Variants in GART observed in about 807,000 individuals in gnomAD.
GART encodes the protein phosphoribosylglycinamide formyltransferase, phosphoribosylglycinamide synthetase, phosphoribosylaminoimidazole synthetase.
A neutral mutation model predicts 107.2 loss-of-function variants in GART; 43 were observed. The observed-to-expected ratio is 0.40, with a 90% CI of 0.31 to 0.52. GART has a LOEUF of 0.52. GART is among the 20% of genes least tolerant of loss of function. GART has a pLI of 0.52. For synonymous variants in GART, 434 were observed against 427.0 expected (o/e 1.02, Z -0.20); for missense variants, 1,107 against 1,206.5 (o/e 0.92, Z 1.22).
chr21:33,520,394 C>T lies in GART; in HGVS notation c.1672G>A (p.Ala558Thr), dbSNP rs745830138. 12 of 1,614,178 alleles carry T rather than the reference C, an allele frequency of 7.4e-6. No individual in the cohort carries two copies. The highest frequency in any genetic ancestry group is 1.0e-5 in the Non-Finnish European group (12 of 1,180,024). ...AGAGCACATCCAGCTTTTCCACAAGCTTTAGCAATTCCAGCAACAACAGCT... is the reference window on the plus strand; with the variant it reads ...AGAGCACATCCAGCTTTTCCACAAGTTTTAGCAATTCCAGCAACAACAGCT... ...TEAVVAGIAK[A>T]CGKAGCALLG... is the part of the protein sequence containing the mutation. Residue 558 changes from alanine (A) to threonine (T), a missense_variant, in exon 14 of 22, where the codon GCT (alanine) becomes ACT (threonine). Transcript: ENST00000381815.
Position 33,530,777 on chromosome 21 carries a change from G to T in GART, c.705C>A (p.Ala235=), listed in dbSNP as rs1227712878. The change falls in exon 7 of 22, where the codon GCC becomes GCA. Residue 235 remains alanine, a synonymous_variant. Coordinates refer to ENST00000381815, the MANE Select transcript of GART (RefSeq NM_000819.5). ...GAAGTACCTGAGGGGCTGGACAATA[G>T]GCTCCCATTCCCCCTGTGTTAGGGC... The part of the protein sequence containing the change: ...DGGPNTGGMG[A]YCPAPQVSND... 6.6e-7 allele frequency: 1 copy of T among 1,506,026 alleles called. No individual in the cohort carries two copies. Among genetic ancestry groups the T allele is most frequent in the African/African-American group, 1.5e-5 (1 of 68,848 alleles). The allele number at this position is 1,506,026 out of a possible 1,614,324, so 93.3% of individuals were successfully genotyped here. A position where few individuals can be genotyped will look rare whatever the true frequency, so the allele number is the denominator to read the frequency against.
Position 33,524,985 on chromosome 21 carries a change from T to C in GART, c.1082A>G (p.Gln361Arg), listed in dbSNP as rs376079125. The stretch of plus-strand genomic sequence containing the variant: ...ATGGAACACCTCCAGTCCTAGAGCT[T>C]GAGCCTCAGGAAACCCTAGAAGAGA... ...GVEITGFPEA[Q>R]ALGLEVFHAG... The change falls in exon 11 of 22, where the codon CAA becomes CGA. Residue 361 changes from glutamine to arginine, a missense_variant. By Grantham distance (43) the Gln-to-Arg change is conservative (BLOSUM62 1). Transcript: ENST00000381815. The C allele has an allele frequency of 5.0e-6, 8 of 1,613,996 alleles. No homozygotes were observed. Among genetic ancestry groups the C allele is most frequent in the Non-Finnish European group, 6.8e-6 (8 of 1,180,004 alleles).
In GART at chr21:33,531,569, A is replaced by ATTT. The variant is rs540416206; in HGVS notation, c.529-15_529-13dup. On this transcript the variant is annotated splice_polypyrimidine_tract_variant and intron_variant, in intron 5 of 21. Coordinates refer to ENST00000381815, the MANE Select transcript of GART (RefSeq NM_000819.5). Reference sequence around the variant, plus strand: ...CCAAAGGCTTTCTCCTGATTGTAAGATTTTTTTTTTTTTTTTTTTTAAAAA... The same window carrying ATTT: ...CCAAAGGCTTTCTCCTGATTGTAAGATTTTTTTTTTTTTTTTTTTTTTTAAAAA... The ATTT allele has an allele frequency of 2.1e-4, 294 of 1,411,376 alleles. No homozygotes were observed. Among genetic ancestry groups the ATTT allele is most frequent in the Middle Eastern group, 5.9e-4 (3 of 5,114 alleles). 87.4% of individuals were successfully genotyped at this position (1,411,376 alleles called of 1,614,324 possible).
chr21:33,540,938 G>A (rs574669147), intron 1 of GART, among the ~76,000 whole-genome samples: 1 of 152,088 alleles, frequency 6.6e-6, no homozygotes, highest in South Asian at 2.1e-4. Flanking sequence ...CTTGCTGGAG[G>A]TCACACAGGT....
In GART at chr21:33,535,285, A is replaced by G. The variant is rs759531641; in HGVS notation, c.181T>C (p.Phe61Leu). The G allele has an allele frequency of 1.0e-5, 14 of 1,340,696 alleles. No individual in the cohort carries two copies. The highest frequency in any genetic ancestry group is 1.4e-5 in the Non-Finnish European group (14 of 1,003,982). 83.0% of individuals were successfully genotyped at this position (1,340,696 alleles called of 1,614,324 possible). A position where few individuals can be genotyped will look rare whatever the true frequency, so the allele number is the denominator to read the frequency against. Reference protein sequence around the residue: ...SISDHTALAQFCKEKKIEFVV... With the variant: ...SISDHTALAQLCKEKKIEFVV... ...AATTCAATTTTCTTCTCTTTGCAGA[A>G]TTGAGCAAGGGCAGTGTGGTCACTG... Residue 61 changes from phenylalanine (F) to leucine (L), a missense_variant, in exon 3 of 22, where the codon TTC becomes CTC. Coordinates refer to ENST00000381815, the MANE Select transcript of GART (RefSeq NM_000819.5).
chr21:33,528,321 A>T lies in GART; in HGVS notation c.912T>A (p.Leu304=), dbSNP rs1276274910. ...TCACTTCATAAAGATCACTTTTAAG[A>T]AGTGGGAGGATTACCTGGAAAAACA... is the stretch of plus-strand genomic sequence containing the variant. The part of the protein sequence containing the change: ...GDPECQVILP[L]LKSDLYEVIQ... The change falls in exon 10 of 22, where the codon CTT becomes CTA. Residue 304 remains leucine, a synonymous_variant. Coordinates refer to ENST00000381815, the MANE Select transcript of GART (RefSeq NM_000819.5). The T allele has an allele frequency of 1.9e-6, 3 of 1,613,888 alleles. No homozygotes were observed. Among genetic ancestry groups the T allele is most frequent in the South Asian group, 2.2e-5 (2 of 91,016 alleles).
chr21:33,515,624 A>G (rs1272638965), intron 16 of GART, among the ~76,000 whole-genome samples: 1 of 132,850 alleles, frequency 7.5e-6, no homozygotes, highest in African/African-American at 3.0e-5. Flanking sequence ...TGGCGACTCC[A>G]GCCTGGCGAC....
intron 17 of GART, 199 bp from the exon 18 acceptor site, chr21:33,510,119 ATTAC>A: frequency 1.8e-6 from 1 of 545,130 alleles, no homozygotes; most frequent in Non-Finnish European, 3.2e-6. Flanking sequence ...AACATATGTA[ATTAC>A]TTCAACTAAA....
intron 14 of GART, among the ~76,000 whole-genome samples, chr21:33,518,251 G>A (rs1455043641): frequency 1.3e-5 from 2 of 152,202 alleles, no homozygotes; most frequent in South Asian, 2.1e-4. Context: ...GGGAGGCCGA[G>A]GCAGGTGGAT....
chr21:33,523,428 G>T (rs1389716354), intron 11 of GART, among the ~76,000 whole-genome samples: 1 of 152,012 alleles, frequency 6.6e-6, no homozygotes, highest in Non-Finnish European at 1.5e-5. Flanking sequence ...ATTCAGACTA[G>T]AATTGAGATT....
chr21:33,529,017 G>A (rs1171332646), intron 7 of GART, 80 bp from the exon 8 acceptor site: 1 of 861,716 alleles, frequency 1.2e-6, no homozygotes, highest in Non-Finnish European at 1.9e-6. Context: ...AACAGAAGGG[G>A]ATGATGAGGA....
Position 33,528,167 on chromosome 21 carries a change from C to T in GART, c.1066G>A (p.Gly356Arg), listed in dbSNP as rs867175356. The change falls in exon 10 of 22, where the codon GGG (glycine) becomes AGG (arginine). Residue 356 changes from glycine to arginine, a missense_variant and splice_region_variant. By Grantham distance (125) the Gly-to-Arg change is moderately radical. Coordinates refer to ENST00000381815, the MANE Select transcript of GART (RefSeq NM_000819.5). Reference protein sequence around the residue: ...GDYTKGVEITGFPEAQALGLE... With the variant: ...GDYTKGVEITRFPEAQALGLE... The stretch of plus-strand genomic sequence containing the variant: ...CAACCTCTTGCTCCCTGACACTCAC[C>T]TGTTATCTCTACACCCTTGGTGTAG... 4 of 1,613,216 alleles carry T rather than the reference C, an allele frequency of 2.5e-6. No individual in the cohort carries two copies. Among genetic ancestry groups the T allele is most frequent in the Non-Finnish European group, 3.4e-6 (4 of 1,179,630 alleles).
rs772767016 is a variant in GART, at chr21:33,539,248, T to G, written c.68A>C (p.Gln23Pro). 1.9e-6 allele frequency: 3 copies of G among 1,614,104 alleles called. No homozygotes were observed. The highest frequency in any genetic ancestry group is 1.3e-5 in the African/African-American group (1 of 74,950). The change falls in exon 2 of 22, where the codon CAG becomes CCG. Residue 23 changes from glutamine to proline, a missense_variant. Coordinates refer to ENST00000381815, the MANE Select transcript of GART (RefSeq NM_000819.5). ...CAACACTTGTTTGACATGATGAGAC[T>G]GTGCAAGTTTCCAGGCCAGCGTATG... ...REHTLAWKLA[Q>P]SHHVKQVLVA...
At chr21:33,520,663 C>T (rs1034565332) in intron 13 of GART, 101 bp from the exon 14 acceptor site, 22 of 1,058,380 alleles carry the variant, frequency 2.1e-5, no homozygotes, top group South Asian at 1.9e-4. Flanking sequence ...CAAAAGAACA[C>T]GAAATTCTGA....
At chr21:33,520,036 A>G (rs532045060) in intron 14 of GART, among the ~76,000 whole-genome samples, 140 of 152,198 alleles carry the variant, frequency 9.2e-4, no homozygotes, top group Middle Eastern at 3.4e-3. Flanking sequence ...TAAGGAGGAA[A>G]TAACTCCTAG....
upstream of GART, chr21:33,542,884 A>C: frequency 1.7e-6 from 1 of 601,436 alleles, no homozygotes; most frequent in African/African-American, 1.9e-5. Context: ...CGCAAACGTC[A>C]GCACCTCTAC....
rs914216261 is a variant in GART at position 33,530,811 on chromosome 21, C to G, written c.671G>C (p.Gly224Ala). 6.5e-7 allele frequency: 1 copy of G among 1,535,312 alleles called. No homozygotes were observed. Among genetic ancestry groups the G allele is most frequent in the Non-Finnish European group, 8.7e-7 (1 of 1,148,056 alleles). ...PAQDHKRLLE[G>A]DGGPNTGGMG... Reference sequence around the variant, plus strand: ...TCCCCCTGTGTTAGGGCCACCATCTCCCTCCAGTAATCGCTTATGGTCCTG... The same window carrying G: ...TCCCCCTGTGTTAGGGCCACCATCTGCCTCCAGTAATCGCTTATGGTCCTG... The change falls in exon 7 of 22, where the codon GGA becomes GCA. Residue 224 changes from glycine to alanine, a missense_variant. Transcript: ENST00000381815.
At chr21:33,505,194 G>T (rs1010726910) in intron 20 of GART, among the ~76,000 whole-genome samples, 2 of 152,058 alleles carry the variant, frequency 1.3e-5, no homozygotes, top group African/African-American at 4.8e-5. Flanking sequence ...TGGGATATAC[G>T]GAATCACTCT....
Position 33,528,078 on chromosome 21 carries a change from C to G in GART, c.1066+89G>C, listed in dbSNP as rs138288516. 4.9e-4 allele frequency: 613 copies of G among 1,256,002 alleles called. 4 individuals carry two copies. In the African/African-American group the frequency reaches 8.4e-3, roughly 17 times the overall value. The allele number at this position is 1,256,002 out of a possible 1,614,324, so 77.8% of individuals were successfully genotyped here. On this transcript the variant is annotated intron_variant, in intron 10 of 21. Coordinates refer to ENST00000381815, the MANE Select transcript of GART (RefSeq NM_000819.5). Reference sequence around the variant, plus strand: ...GTTTCTGATGGCTTCACACTCTTATCGAGAGCAAGCCTTAGTGTGAGAGGG... The same window carrying G: ...GTTTCTGATGGCTTCACACTCTTATGGAGAGCAAGCCTTAGTGTGAGAGGG...
Sources: allele counts gnomAD v4.1 joint callset (sites outside exome capture counted in the v4.1 genomes callset), GRCh38; gene constraint gnomAD v4.1.1; transcripts MANE v1.5; gene names NCBI Gene and HGNC (gene_info 2026-07-23, HGNC 2026-07-21).